Variants in NRG1 observed in about 807,000 individuals in gnomAD.
The protein encoded by NRG1 is pro-neuregulin-1, membrane-bound isoform.
In NRG1, 18 loss-of-function variants were observed where a neutral mutation model predicts 63.8. That is an observed-to-expected ratio of 0.28 (90% confidence interval 0.19 to 0.42). The LOEUF (loss-of-function observed/expected upper bound fraction) is 0.42, where lower values mean the gene tolerates loss of function less well. NRG1 is among the 10% of genes least tolerant of loss of function. The pLI is 1.00. For missense variants in NRG1, 762 were observed against 814.7 expected (o/e 0.94, Z 0.79); for synonymous variants, 302 against 301.3 (o/e 1.00, Z -0.02).
chr8:32,193,789 G>A (rs1263491458), intron 1 of NRG1, among the ~76,000 whole-genome samples: 2 of 152,116 alleles, frequency 1.3e-5, no homozygotes, highest in Non-Finnish European at 2.9e-5. Flanking sequence ...CAATATGACT[G>A]GTATTTTTAT....
chr8:31,781,119 T>C (rs1819640049), intron 1 of NRG1, among the ~76,000 whole-genome samples: 1 of 152,174 alleles, frequency 6.6e-6, no homozygotes, highest in African/African-American at 2.4e-5. Context: ...TGGATTAGAT[T>C]GAAAATCTTT....
chr8:31,866,778 T>C (rs1163551905), intron 1 of NRG1, among the ~76,000 whole-genome samples: 1 of 152,190 alleles, frequency 6.6e-6, no homozygotes, highest in Non-Finnish European at 1.5e-5. Context: ...CATAGGGAAG[T>C]AGCTTTTAAA....
rs557062924 is a variant in NRG1 at position 31,989,371 on chromosome 8, G to T, written c.37+349940G>T. ...AACATCACATTCCAAATGCTTGCTA[G>T]CTATTTTCTGAGTATCAGTTATATT... On this transcript the variant is annotated intron_variant, in intron 1 of 10. Transcript: ENST00000519301. Among the ~76,000 whole-genome samples, 11 of 151,514 alleles carry T rather than the reference G, an allele frequency of 7.3e-5. No individual in the cohort carries two copies. The East Asian group carries it at 2.0e-3, about 27-fold the overall frequency.
chr8:32,267,772 G>A (rs889746028), intron 1 of NRG1, among the ~76,000 whole-genome samples: 2 of 152,158 alleles, frequency 1.3e-5, no homozygotes, highest in Admixed American at 6.5e-5. Context: ...TGGAGCTGAT[G>A]TTCATCTCTT....
At chr8:31,746,141 G>A (rs925573448) in intron 1 of NRG1, among the ~76,000 whole-genome samples, 9 of 151,856 alleles carry the variant, frequency 5.9e-5, no homozygotes, top group Admixed American at 5.3e-4. Context: ...GAGGAAAAGA[G>A]GATGACGGAG....
chr8:31,996,294 G>A (rs180774677), intron 1 of NRG1, among the ~76,000 whole-genome samples: 363 of 152,036 alleles, frequency 2.4e-3, no homozygotes, highest in Admixed American at 7.1e-3. Context: ...TCTATGTCCA[G>A]TTGAAGTCTG....
intron 1 of NRG1, among the ~76,000 whole-genome samples, chr8:32,559,149 G>T (rs1588299646): frequency 7.3e-6 from 1 of 136,992 alleles, no homozygotes; most frequent in Admixed American, 7.7e-5. Flanking sequence ...CCCCCAAATT[G>T]TCTTGGAATT....
intron 1 of NRG1, among the ~76,000 whole-genome samples, chr8:31,698,795 G>A (rs1256025923): frequency 6.6e-6 from 1 of 152,184 alleles, no homozygotes; most frequent in Non-Finnish European, 1.5e-5. Context: ...CACTTGTAAT[G>A]TTAATATAAA....
At chr8:31,921,202 T>C (rs1833882854) in intron 1 of NRG1, among the ~76,000 whole-genome samples, 2 of 152,182 alleles carry the variant, frequency 1.3e-5, no homozygotes, top group Admixed American at 6.6e-5. Context: ...ACATACCTAA[T>C]TTAAGTGAAA....
At chr8:31,867,017 G>C (rs1829019028) in intron 1 of NRG1, among the ~76,000 whole-genome samples, 1 of 152,164 alleles carries the variant, frequency 6.6e-6, no homozygotes, top group East Asian at 1.9e-4. Context: ...TAGATGTCTA[G>C]TTTTAACTTG....
chr8:31,861,750 A>T (rs573929325), intron 1 of NRG1, among the ~76,000 whole-genome samples: 1 of 152,158 alleles, frequency 6.6e-6, no homozygotes, highest in Admixed American at 6.5e-5. Context: ...TTTCCAAATC[A>T]TCTTTGTAAG....
chr8:31,959,230 A>G (rs10808317), intron 1 of NRG1, among the ~76,000 whole-genome samples: 117,619 of 152,152 alleles, frequency 0.77, 45,932 homozygotes, highest in Non-Finnish European at 0.82. Flanking sequence ...TGGCATACAC[A>G]TTGGACTTGA....
chr8:32,474,516 C>T lies in NRG1; in HGVS notation c.38-121312C>T, dbSNP rs752188048. Among the ~76,000 whole-genome samples, 3 of 140,634 alleles carry T rather than the reference C, an allele frequency of 2.1e-5. No individual in the cohort carries two copies. The Admixed American group carries it at 2.2e-4, about 10-fold the overall frequency. 92.3% of individuals were successfully genotyped at this position (140,634 alleles called of 152,430 possible). On this transcript the variant is annotated intron_variant, in intron 1 of 10. Coordinates refer to the NRG1 transcript ENST00000519301. ...TTCCCTTTTTTTTTTTTTTTTTGGA[C>T]GGAGTCTCACTCTGCCGCCAGGCTG...
intron 1 of NRG1, among the ~76,000 whole-genome samples, chr8:31,819,912 CATT>C (rs1160661955): frequency 6.6e-6 from 1 of 152,174 alleles, no homozygotes; most frequent in Non-Finnish European, 1.5e-5. Flanking sequence ...CAGTTCGACT[CATT>C]ATTCAAATTC....
At chr8:31,872,834 G>A (rs565976800) in intron 1 of NRG1, among the ~76,000 whole-genome samples, 6 of 152,154 alleles carry the variant, frequency 3.9e-5, no homozygotes, top group Non-Finnish European at 8.8e-5. Context: ...CTTCTCATTG[G>A]TTGTGAATTT....
At chr8:32,697,165 G>A (rs1266828949) in intron 5 of NRG1, among the ~76,000 whole-genome samples, 1 of 152,192 alleles carries the variant, frequency 6.6e-6, no homozygotes, top group African/African-American at 2.4e-5. Flanking sequence ...AAAGATTGAA[G>A]TAGTATTGTG....
chr8:32,549,930 A>C (rs1166431593), intron 1 of NRG1, among the ~76,000 whole-genome samples: 1 of 152,206 alleles, frequency 6.6e-6, no homozygotes, highest in South Asian at 2.1e-4. Flanking sequence ...CCCAACACAC[A>C]TTTCATGAAG....
chr8:32,647,179 C>T (rs757343877), intron 5 of NRG1: 12 of 985,376 alleles, frequency 1.2e-5, no homozygotes, highest in Non-Finnish European at 1.4e-5. Flanking sequence ...CCCTTTCAGC[C>T]GTCGTCGCGT....
intron 1 of NRG1, among the ~76,000 whole-genome samples, chr8:32,274,517 C>A (rs1022649255): frequency 6.6e-6 from 1 of 152,164 alleles, no homozygotes; most frequent in Non-Finnish European, 1.5e-5. Flanking sequence ...CTTCTTCAAT[C>A]CTTGAACTTC....
Sources: allele counts gnomAD v4.1 joint callset (sites outside exome capture counted in the v4.1 genomes callset), GRCh38; gene constraint gnomAD v4.1.1; transcripts MANE v1.5; gene names NCBI Gene and HGNC (gene_info 2026-07-23, HGNC 2026-07-21).